Variants in DOC2A observed in about 807,000 individuals in gnomAD.
The protein encoded by DOC2A is double C2-like domain-containing protein alpha.
DOC2A carries 28 observed loss-of-function variants against 40.6 expected under a neutral mutation model. The ratio of observed to expected loss-of-function variants is 0.69; its 90% CI spans 0.51 to 0.95. The LOEUF (loss-of-function observed/expected upper bound fraction) is 0.95. Ranked by LOEUF, DOC2A falls within the 40% of genes least tolerant of loss-of-function variation. The pLI is 0.00. For missense variants in DOC2A, 474 were observed against 552.5 expected (o/e 0.86, Z 1.42); for synonymous variants, 241 against 236.9 (o/e 1.02, Z -0.16).
At chr16:30,018,343 A>C (rs1485850483) in intron 1 of DOC2A, among the ~76,000 whole-genome samples, 1 of 151,974 alleles carries the variant, frequency 6.6e-6, no homozygotes, top group Non-Finnish European at 1.5e-5. Flanking sequence ...TATCTTTTAC[A>C]GATGGGATTC....
At chr16:30,014,922 T>C (rs1008470482), upstream of DOC2A, 2 of 150,718 alleles carry the variant, frequency 1.3e-5, no homozygotes, top group Admixed American at 1.3e-4. Context: ...AGAACAAGAC[T>C]CCATCTCAGA....
chr16:30,019,877 G>C (rs1596716564), intron 1 of DOC2A, among the ~76,000 whole-genome samples: 1 of 151,846 alleles, frequency 6.6e-6, no homozygotes, highest in Non-Finnish European at 1.5e-5. Context: ...TGGGACTATA[G>C]GCACGTACCA....
chr16:30,021,202 G>C (rs549937187), exon 1 of DOC2A: 1 of 152,172 alleles, frequency 6.6e-6, no homozygotes, highest in East Asian at 1.9e-4. Flanking sequence ...GCATAGGGTT[G>C]CGGCAGAGCA....
chr16:30,021,399 G>C (rs1336521379), upstream of DOC2A: 2 of 152,398 alleles, frequency 1.3e-5, no homozygotes, highest in African/African-American at 2.4e-5. Flanking sequence ...CTCCTTAGCT[G>C]GGATGGGGCC....
In DOC2A at chr16:30,005,879, G is replaced by C. The variant is rs1328155919; in HGVS notation, c.*307C>G. The stretch of plus-strand genomic sequence containing the variant: ...CCTCCCTGTTGGGGGAGAGGGACGG[G>C]GCAGCGTGGAGAGGCAGGAGTGAGG... On this transcript the variant is annotated 3_prime_UTR_variant, in exon 11 of 11. Transcript: ENST00000350119. 4.0e-6 allele frequency: 2 copies of C among 504,024 alleles called. No individual in the cohort carries two copies. The highest frequency in any genetic ancestry group is 7.3e-5 in the East Asian group (2 of 27,580). The allele number at this position is 504,024 out of a possible 1,614,324, so 31.2% of individuals were successfully genotyped here.
chr16:30,011,522 A>G (rs1158612020), upstream of DOC2A: 7 of 593,768 alleles, frequency 1.2e-5, no homozygotes, highest in Non-Finnish European at 1.3e-5. Flanking sequence ...CCTCGTTGTC[A>G]TGGCGACGCC....
rs1415774516 is a variant in DOC2A, at chr16:30,006,799, G to A, written c.864C>T (p.Asp288=). Residue 288 remains aspartate, a synonymous_variant, in exon 8 of 11, where the codon GAC becomes GAT. Transcript: ENST00000350119. This position sits in a 1 kb window ranked among gnomAD's most constrained non-coding sequence, Gnocchi z 6.2. The stretch of plus-strand genomic sequence containing the variant: ...CAAGGGCTCACGTCTTGACGTAGGG[G>A]TCCGAGTAACCGTTGACGTCCATGG... The part of the protein sequence containing the change: ...LAAMDVNGYS[D]PYVKTYLRPD... The A allele has an allele frequency of 1.9e-6, 3 of 1,613,786 alleles. No homozygotes were observed. The highest frequency in any genetic ancestry group is 1.6e-4 in the Middle Eastern group (1 of 6,062).
upstream of DOC2A, among the ~76,000 whole-genome samples, chr16:30,022,760 A>C (rs2070931581): frequency 6.6e-6 from 1 of 152,084 alleles, no homozygotes; most frequent in African/African-American, 2.4e-5. Context: ...ACATAGTGAA[A>C]CCCTGTCTCT....
chr16:30,007,655 C>A (rs2070659134), intron 5 of DOC2A: 1 of 384,784 alleles, frequency 2.6e-6, no homozygotes, highest in African/African-American at 2.1e-5. Flanking sequence ...CCTTGGGCAG[C>A]CAGACCAGTA....
upstream of DOC2A, among the ~76,000 whole-genome samples, chr16:30,017,270 C>T (rs1448250538): frequency 7.6e-6 from 1 of 130,906 alleles, no homozygotes; most frequent in East Asian, 2.1e-4. Context: ...CAGAGTGAGA[C>T]CCTGTCTCAA....
At position 30,009,037 on chromosome 16, in the gene DOC2A, G is replaced by A. The variant is rs1462911653; in HGVS notation, c.486C>T (p.Tyr162=). 9.9e-6 allele frequency: 16 copies of A among 1,613,956 alleles called. No individual in the cohort carries two copies. Among genetic ancestry groups the A allele is most frequent in the African/African-American group, 1.3e-5 (1 of 74,920 alleles). The change falls in exon 5 of 11, where the codon TAC becomes TAT. Residue 162 remains tyrosine (Y), a synonymous_variant. Transcript: ENST00000350119. This position sits in a 1 kb window ranked among gnomAD's most constrained non-coding sequence, Gnocchi z 4.1. ...LNPVWNEDLT[Y]SGITDDDITH... is the part of the protein sequence containing the mutation. Reference sequence around the variant, plus strand: ...TGATGTCGTCATCTGTGATCCCGCTGTAAGTCAGGTCCTCATTCCACACGG... The same window carrying A: ...TGATGTCGTCATCTGTGATCCCGCTATAAGTCAGGTCCTCATTCCACACGG...
upstream of DOC2A, among the ~76,000 whole-genome samples, chr16:30,015,821 C>T (rs1192158661): frequency 1.3e-5 from 2 of 149,862 alleles, no homozygotes. Flanking sequence ...CCACTTTAGC[C>T]TCCCATGTAG....
Position 30,010,447 on chromosome 16 carries a change from C to A in DOC2A, c.-13-212G>T. On this transcript the variant is annotated intron_variant, in intron 1 of 10. Coordinates refer to ENST00000350119, the MANE Select transcript of DOC2A (RefSeq NM_003586.3). The surrounding 1 kb of genome is among the most constrained non-coding windows in gnomAD (Gnocchi z 4.2). ...ACAGGGGCTGGGCTGCCAACCCACTCCTTGCAGAAGTCGAGGTTGCACCAC... is the reference window on the plus strand; with the variant it reads ...ACAGGGGCTGGGCTGCCAACCCACTACTTGCAGAAGTCGAGGTTGCACCAC... 1.5e-6 allele frequency: 1 copy of A among 646,808 alleles called. No individual in the cohort carries two copies. 40.1% of individuals were successfully genotyped at this position (646,808 alleles called of 1,614,324 possible).
At chr16:30,012,916 G>A (rs528712866), upstream of DOC2A, among the ~76,000 whole-genome samples, 4 of 151,952 alleles carry the variant, frequency 2.6e-5, no homozygotes, top group South Asian at 2.1e-4. Context: ...GCTTGAACCC[G>A]GGAGGCGGAG....
chr16:30,009,897 C>T lies in DOC2A; in HGVS notation c.262+64G>A. On this transcript the variant is annotated intron_variant, in intron 2 of 10. Coordinates refer to ENST00000350119, the MANE Select transcript of DOC2A (RefSeq NM_003586.3). The surrounding 1 kb of genome is among the most constrained non-coding windows in gnomAD (Gnocchi z 4.1). ...AGCCAGCAGGGCCCATCCCCCTCTC[C>T]CCCCACCACGGCAAGCCTGGAGACC... 6.2e-7 allele frequency: 1 copy of T among 1,601,270 alleles called. No homozygotes were observed. Among genetic ancestry groups the T allele is most frequent in the Non-Finnish European group, 8.5e-7 (1 of 1,171,682 alleles).
At position 30,006,130 on chromosome 16, in the gene DOC2A, G is replaced by T; in HGVS notation, c.*56C>A. On this transcript the variant is annotated 3_prime_UTR_variant, in exon 11 of 11. Coordinates refer to ENST00000350119, the MANE Select transcript of DOC2A (RefSeq NM_003586.3). The surrounding 1 kb of genome is among the most constrained non-coding windows in gnomAD (Gnocchi z 6.2). ...GTGTAAACGTGCAACACACTCGTGC[G>T]AAGGTTGGGTACTGGACCCGGCTCG... is the stretch of plus-strand genomic sequence containing the variant. The T allele has an allele frequency of 6.5e-7, 1 of 1,529,342 alleles. No homozygotes were observed. 94.7% of individuals were successfully genotyped at this position (1,529,342 alleles called of 1,614,324 possible).
rs1458664359 is a variant in DOC2A, at chr16:30,006,162, C to T, written c.*24G>A. ...GGGTACTGGACCCGGCTCGATGGGC[C>T]TGTGCCGGGACACTGCTGTCCACTC... On this transcript the variant is annotated 3_prime_UTR_variant, in exon 11 of 11. Transcript: ENST00000350119. The surrounding 1 kb of genome is among the most constrained non-coding windows in gnomAD (Gnocchi z 6.2). The T allele has an allele frequency of 2.6e-6, 4 of 1,561,578 alleles. No individual in the cohort carries two copies. Among genetic ancestry groups the T allele is most frequent in the Non-Finnish European group, 2.6e-6 (3 of 1,153,060 alleles).
rs1429221001 is a variant in DOC2A at position 30,006,126 on chromosome 16, G to A, written c.*60C>T. 25 of 1,523,040 alleles carry A rather than the reference G, an allele frequency of 1.6e-5. No individual in the cohort carries two copies. The highest frequency in any genetic ancestry group is 8.1e-5 in the Admixed American group (4 of 49,402). The allele number at this position is 1,523,040 out of a possible 1,614,324, so 94.3% of individuals were successfully genotyped here. ...CCCTGTGTAAACGTGCAACACACTC[G>A]TGCGAAGGTTGGGTACTGGACCCGG... On this transcript the variant is annotated 3_prime_UTR_variant, in exon 11 of 11. Transcript: ENST00000350119. The surrounding 1 kb of genome is among the most constrained non-coding windows in gnomAD (Gnocchi z 6.2).
chr16:30,015,742 C>T (rs1301144301), upstream of DOC2A, among the ~76,000 whole-genome samples: 1 of 143,116 alleles, frequency 7.0e-6, no homozygotes, highest in Non-Finnish European at 1.5e-5. Context: ...ACTGTGTTGC[C>T]TAGGCTGGAG....
Sources: allele counts gnomAD v4.1 joint callset (sites outside exome capture counted in the v4.1 genomes callset), GRCh38; gene constraint gnomAD v4.1.1; non-coding constraint Gnocchi (gnomAD v3.1); transcripts MANE v1.5; gene names NCBI Gene and HGNC (gene_info 2026-07-23, HGNC 2026-07-21).